Variants in PLA2R1 observed in about 807,000 individuals in gnomAD.
The protein encoded by PLA2R1 is phospholipase A2 receptor 1, also known as secretory phospholipase A2 receptor.
PLA2R1 carries 158 observed loss-of-function variants against 195.9 expected under a neutral mutation model. The observed-to-expected ratio is 0.81, with a 90% CI of 0.71 to 0.92. The LOEUF (loss-of-function observed/expected upper bound fraction) is 0.92, where lower values mean the gene tolerates loss of function less well. Among genes scored for constraint, PLA2R1 ranks in the 40% least tolerant of loss-of-function variants. The probability of loss-of-function intolerance (pLI) is 0.00; values close to 1 mark genes in which losing one functional copy is unlikely to be tolerated. For missense variants in PLA2R1, 1,626 were observed against 1,764.6 expected (o/e 0.92, Z 1.41); for synonymous variants, 586 against 598.2 (o/e 0.98, Z 0.30).
downstream of PLA2R1, among the ~76,000 whole-genome samples, chr2:159,930,765 A>G (rs983304229): frequency 1.3e-5 from 2 of 152,212 alleles, no homozygotes; most frequent in Admixed American, 1.3e-4. Flanking sequence ...CCATATCCCT[A>G]GGAGCCTTGG....
chr2:160,059,286 T>C (rs1418548180), intron 1 of PLA2R1, among the ~76,000 whole-genome samples: 2 of 152,006 alleles, frequency 1.3e-5, no homozygotes, highest in African/African-American at 2.4e-5. Flanking sequence ...GGCCTGGAGG[T>C]TGGGGATGCC....
chr2:160,019,087 C>T (rs1209615274), intron 8 of PLA2R1, among the ~76,000 whole-genome samples: 1 of 152,130 alleles, frequency 6.6e-6, no homozygotes, highest in Non-Finnish European at 1.5e-5. Context: ...TGGGATTAAG[C>T]TAATTCTGTA....
chr2:160,021,490 G>T (rs1693114882), intron 7 of PLA2R1, among the ~76,000 whole-genome samples: 2 of 152,302 alleles, frequency 1.3e-5, no homozygotes, highest in South Asian at 4.1e-4. Flanking sequence ...TTCGCACACA[G>T]GTAGCACTTG....
chr2:160,003,657 T>G (rs1691761549), intron 11 of PLA2R1, among the ~76,000 whole-genome samples: 1 of 152,186 alleles, frequency 6.6e-6, no homozygotes, highest in South Asian at 2.1e-4. Context: ...TTGACAAAAA[T>G]GTGGGAAAGC....
Position 160,033,058 on chromosome 2 carries a change from G to A in PLA2R1, c.742C>T (p.Leu248Phe), listed in dbSNP as rs375397713. The change falls in exon 4 of 30, where the codon CTT becomes TTT. Residue 248 changes from leucine to phenylalanine, a missense_variant. Physicochemically the swap from Leu to Phe is conservative, Grantham distance 22. Coordinates refer to ENST00000283243, the MANE Select transcript of PLA2R1 (RefSeq NM_007366.5). ...GCCTCACTCCAAGAGAGAGATGAAA[G>A]CAGGTTGAACTGGTAGCAAATGTGT... ...NSHICYQFNL[L>F]SSLSWSEAHS... 97 of 1,613,360 alleles carry A rather than the reference G, an allele frequency of 6.0e-5. No homozygotes were observed. The East Asian group carries it at 1.4e-3, about 23-fold the overall frequency.
At chr2:160,058,963 A>C (rs1048915396) in intron 1 of PLA2R1, among the ~76,000 whole-genome samples, 6 of 152,194 alleles carry the variant, frequency 3.9e-5, no homozygotes, top group Non-Finnish European at 5.9e-5. Flanking sequence ...ATAATGTAGA[A>C]TCAGTGGGAG....
intron 20 of PLA2R1, among the ~76,000 whole-genome samples, chr2:159,965,535 A>G (rs1688731524): frequency 6.6e-6 from 1 of 152,144 alleles, no homozygotes; most frequent in African/African-American, 2.4e-5. Flanking sequence ...CAGTTTATTT[A>G]TTCACCTACT....
intron 1 of PLA2R1, among the ~76,000 whole-genome samples, chr2:160,046,057 T>C (rs1348716921): frequency 6.6e-6 from 1 of 152,234 alleles, no homozygotes; most frequent in Non-Finnish European, 1.5e-5. Flanking sequence ...TTAACCCAAG[T>C]TGCGGGCCTG....
At position 159,938,855 on chromosome 2, in the gene PLA2R1, G is replaced by A. The variant is rs1686951673; in HGVS notation, c.*2923C>T. 3 of 152,190 alleles carry A rather than the reference G, an allele frequency of 2.0e-5. No individual in the cohort carries two copies. The highest frequency in any genetic ancestry group is 2.0e-4 in the Admixed American group (3 of 15,268). The allele number at this position is 152,190 out of a possible 1,614,324, so 9.4% of individuals were successfully genotyped here. ...AGTTCAATCTTATCTTTAATAAGGAGTGGACCCTTCAAGAGAAGAAATATT... is the reference window on the plus strand; with the variant it reads ...AGTTCAATCTTATCTTTAATAAGGAATGGACCCTTCAAGAGAAGAAATATT... On this transcript the variant is annotated 3_prime_UTR_variant, in exon 30 of 30. Coordinates refer to ENST00000283243, the MANE Select transcript of PLA2R1 (RefSeq NM_007366.5).
At position 159,941,006 on chromosome 2, in the gene PLA2R1, A is replaced by ATAT. The variant is rs1263122475; in HGVS notation, c.*769_*771dup. 6 of 152,224 alleles carry ATAT rather than the reference A, an allele frequency of 3.9e-5. No individual in the cohort carries two copies. The highest frequency in any genetic ancestry group is 8.8e-5 in the Non-Finnish European group (6 of 68,028). 9.4% of individuals were successfully genotyped at this position (152,224 alleles called of 1,614,324 possible). A position where few individuals can be genotyped will look rare whatever the true frequency, so the allele number is the denominator to read the frequency against. ...ACAGTACAACTGTTAAAGTTTCAAT[A>ATAT]TATTACTTTAAGCTTATGTATAAGA... On this transcript the variant is annotated 3_prime_UTR_variant, in exon 30 of 30. Coordinates refer to ENST00000283243, the MANE Select transcript of PLA2R1 (RefSeq NM_007366.5).
At chr2:159,961,188 T>C (rs1430588657) in intron 20 of PLA2R1, among the ~76,000 whole-genome samples, 1 of 152,192 alleles carries the variant, frequency 6.6e-6, no homozygotes, top group African/African-American at 2.4e-5. Flanking sequence ...TAGGCATTAA[T>C]GCGCAGGAGA....
At position 159,944,896 on chromosome 2, in the gene PLA2R1, C is replaced by T; in HGVS notation, c.4144+10G>A. On this transcript the variant is annotated intron_variant, in intron 28 of 29. Coordinates refer to ENST00000283243, the MANE Select transcript of PLA2R1 (RefSeq NM_007366.5). The stretch of plus-strand genomic sequence containing the variant: ...ATCAAAATGAAGAATTACTCTCTGA[C>T]TTTACCTACCTGCCTCCATTTTACA... The T allele has an allele frequency of 2.5e-6, 4 of 1,600,634 alleles. No individual in the cohort carries two copies. Among genetic ancestry groups the T allele is most frequent in the Non-Finnish European group, 3.4e-6 (4 of 1,168,624 alleles).
At chr2:160,020,313 G>A in intron 7 of PLA2R1, 50 bp from the exon 8 acceptor site, 3 of 1,317,908 alleles carry the variant, frequency 2.3e-6, no homozygotes, top group South Asian at 2.6e-5. Context: ...ATTTGCAAAG[G>A]AGATAACACC....
chr2:159,951,985 C>A (rs146756488), intron 23 of PLA2R1, among the ~76,000 whole-genome samples: 1 of 152,146 alleles, frequency 6.6e-6, no homozygotes, highest in Non-Finnish European at 1.5e-5. Flanking sequence ...GTTACATAGT[C>A]ATATATTGCA....
intron 11 of PLA2R1, among the ~76,000 whole-genome samples, chr2:159,997,362 T>G (rs929200853): frequency 6.6e-6 from 1 of 151,914 alleles, no homozygotes; most frequent in Non-Finnish European, 1.5e-5. Flanking sequence ...CTGGCTGGAG[T>G]TGCAGATTTC....
intron 23 of PLA2R1, among the ~76,000 whole-genome samples, chr2:159,953,181 T>C (rs999825071): frequency 3.9e-5 from 6 of 152,246 alleles, no homozygotes; most frequent in Non-Finnish European, 8.8e-5. Flanking sequence ...ATTGATTCCA[T>C]TAAGTTTCAA....
chr2:159,928,295 T>C (rs1026948104), downstream of PLA2R1, among the ~76,000 whole-genome samples: 1 of 152,164 alleles, frequency 6.6e-6, no homozygotes, highest in African/African-American at 2.4e-5. Flanking sequence ...AGACCCCCTT[T>C]CTGGTGAGAC....
chr2:159,963,271 T>C (rs965905332), intron 20 of PLA2R1, among the ~76,000 whole-genome samples: 5 of 152,186 alleles, frequency 3.3e-5, no homozygotes, highest in Non-Finnish European at 1.5e-5. Flanking sequence ...ATATAAATGC[T>C]AAAACCATGA....
rs369027159 is a variant in PLA2R1 at position 159,944,912 on chromosome 2, C to T, written c.4138G>A (p.Glu1380Lys). 8.7e-6 allele frequency: 14 copies of T among 1,611,378 alleles called. No individual in the cohort carries two copies. Among genetic ancestry groups the T allele is most frequent in the Middle Eastern group, 1.6e-4 (1 of 6,066 alleles). ...ACTCTCTGACTTTACCTACCTGCCT[C>T]CATTTTACATATAAAGCCTTTTTTT... ...QEKKGFICKM[E>K]ADIHTAEALP... Residue 1380 changes from glutamate to lysine, a missense_variant, in exon 28 of 30, where the codon GAG becomes AAG. By Grantham distance (56) the Glu-to-Lys change is moderately conservative. Transcript: ENST00000283243.
Sources: gnomAD v4.1 joint callset for allele counts (sites outside exome capture counted in the v4.1 genomes callset) on GRCh38, gnomAD v4.1.1 for gene constraint, MANE v1.5 for transcripts, NCBI Gene and HGNC (gene_info 2026-07-23, HGNC 2026-07-21) for gene names.